MED16: variants seen among roughly 807,000 people sequenced by gnomAD.
MED16 encodes mediator complex subunit 16.
MED16 carries 81 observed loss-of-function variants against 84.4 expected under a neutral mutation model. The observed-to-expected ratio is 0.96, with a 90% CI of 0.80 to 1.15. The LOEUF is 1.15. Among genes scored for constraint, MED16 ranks in the 50% most tolerant of loss-of-function variants. MED16 has a pLI of 0.00. For synonymous variants in MED16, 897 were observed against 552.2 expected (o/e 1.62, Z -8.76); for missense variants, 1,585 against 1,245.9 (o/e 1.27, Z -4.10).
intron 14 of MED16, 23 bp from the exon 15 acceptor site, chr19:868,522 C>A: frequency 6.2e-7 from 1 of 1,605,970 alleles, no homozygotes. Flanking sequence ...AGGCACTGAG[C>A]GGGTTCCCAC....
Position 873,493 on chromosome 19 carries a change from C to T in MED16, c.1861G>A (p.Val621Met). The T allele has an allele frequency of 6.2e-7, 1 of 1,611,754 alleles. No individual in the cohort carries two copies. Among genetic ancestry groups the T allele is most frequent in the Non-Finnish European group, 8.5e-7 (1 of 1,179,704 alleles). The change falls in exon 11 of 16, where the codon GTG (valine) becomes ATG (methionine). Residue 621 changes from valine to methionine, a missense_variant. Coordinates refer to ENST00000325464, the MANE Select transcript of MED16 (RefSeq NM_005481.3). ...LQALQQLLQW[V>M]GDFVLYLLAS... ...AGCAGGTACAGCACGAAGTCGCCCA[C>T]CCACTGCAAGAGCTGCTGCAGCGCC...
rs531292263 is a variant in MED16 at position 890,414 on chromosome 19, C to G, written c.170-170G>C. On this transcript the variant is annotated intron_variant, in intron 2 of 15. Transcript: ENST00000325464. ...GGAACAGGCTGTCCCCCCGCAGGAA[C>G]AGAGCAGGCCTGTGAGGCGCCACAA... The G allele has an allele frequency of 6.1e-4, 325 of 532,850 alleles. 1 individual carries two copies. Among genetic ancestry groups the G allele is most frequent in the Non-Finnish European group, 9.0e-4 (272 of 302,126 alleles). The allele number at this position is 532,850 out of a possible 1,614,324, so 33.0% of individuals were successfully genotyped here. A position where few individuals can be genotyped will look rare whatever the true frequency, so the allele number is the denominator to read the frequency against.
At chr19:868,275 C>T (rs575843847) in intron 15 of MED16, 24 bp from the exon 16 acceptor site, 20 of 1,589,152 alleles carry the variant, frequency 1.3e-5, no homozygotes, top group African/African-American at 5.4e-5. Context: ...TGAGGTTAAC[C>T]GCGCCGAGGA....
chr19:871,251 G>A lies in MED16; in HGVS notation c.2101C>T (p.Arg701Cys), dbSNP rs376733954. 371 of 1,534,066 alleles carry A rather than the reference G, an allele frequency of 2.4e-4. 2 individuals carry two copies. In the Middle Eastern group the frequency reaches 6.1e-3, roughly 25 times the overall value. Reference protein sequence around the residue: ...RLLTKLWICCRDEGPASEPDE... With the variant: ...RLLTKLWICCCDEGPASEPDE... ...GGCTCGCTCGCTGGGCCCTCATCGCGACCTGCGGAGAGAGGTGGCGGAAGT... is the reference window on the plus strand; with the variant it reads ...GGCTCGCTCGCTGGGCCCTCATCGCAACCTGCGGAGAGAGGTGGCGGAAGT... Residue 701 changes from arginine (R) to cysteine (C), a missense_variant and splice_region_variant, in exon 13 of 16, where the codon CGC (arginine) becomes TGC (cysteine). By Grantham distance (180) the Arg-to-Cys change is radical. Coordinates refer to ENST00000325464, the MANE Select transcript of MED16 (RefSeq NM_005481.3).
At chr19:871,777 G>GGAGAGGGGA in intron 12 of MED16, 149 bp downstream of exon 12, 11 of 474,538 alleles carry the variant, frequency 2.3e-5, no homozygotes, top group Non-Finnish European at 3.8e-5. Flanking sequence ...CGGGGAGAGG[G>GGAGAGGGGA]GAGAGGGGAG....
intron 4 of MED16, among the ~76,000 whole-genome samples, chr19:886,623 G>A (rs2036532650): frequency 6.6e-6 from 1 of 152,244 alleles, no homozygotes; most frequent in South Asian, 2.1e-4. Flanking sequence ...GGGCCGTCAG[G>A]CCCTGGGCCG....
intron 6 of MED16, among the ~76,000 whole-genome samples, chr19:882,645 G>C (rs968342874): frequency 3.3e-5 from 5 of 152,258 alleles, no homozygotes; most frequent in African/African-American, 1.2e-4. Context: ...CAGTGGACAG[G>C]CCACGCCACC....
At chr19:885,739 C>T (rs1416868429) in intron 5 of MED16, 31 bp downstream of exon 5, 5 of 1,592,426 alleles carry the variant, frequency 3.1e-6, no homozygotes, top group Non-Finnish European at 4.3e-6. Flanking sequence ...TCCAAGCCTG[C>T]CAGCCCACGT....
At chr19:873,983 C>T (rs1429385667) in intron 10 of MED16, among the ~76,000 whole-genome samples, 2 of 152,214 alleles carry the variant, frequency 1.3e-5, no homozygotes, top group Non-Finnish European at 2.9e-5. Flanking sequence ...GCGGCGGTTA[C>T]ACACCCAACA....
At chr19:885,709 C>T in intron 5 of MED16, 61 bp downstream of exon 5, 2 of 1,566,868 alleles carry the variant, frequency 1.3e-6, no homozygotes, top group Non-Finnish European at 1.7e-6. Flanking sequence ...CCCCCAGGAC[C>T]CTGAGAAGCA....
At chr19:872,366 G>C (rs1232244519) in intron 11 of MED16, among the ~76,000 whole-genome samples, 1 of 152,048 alleles carries the variant, frequency 6.6e-6, no homozygotes, top group African/African-American at 2.4e-5. Flanking sequence ...ACAAGACTAA[G>C]ACGAGGCTCT....
chr19:885,793 G>C lies in MED16; in HGVS notation c.856C>G (p.Leu286Val). 1 of 1,611,364 alleles carries C rather than the reference G, an allele frequency of 6.2e-7. No individual in the cohort carries two copies. The highest frequency in any genetic ancestry group is 8.5e-7 in the Non-Finnish European group (1 of 1,179,816). ...KFPAITHLKF[L>V]ARDMSEQVLL... Reference sequence around the variant, plus strand: ...ACCTGCTCCGACATGTCCCGGGCCAGGAACTTGAGGTGGGTGATGGCGGGA... The same window carrying C: ...ACCTGCTCCGACATGTCCCGGGCCACGAACTTGAGGTGGGTGATGGCGGGA... The change falls in exon 5 of 16, where the codon CTG (leucine) becomes GTG (valine). Residue 286 changes from leucine to valine, a missense_variant. Transcript: ENST00000325464.
intron 6 of MED16, among the ~76,000 whole-genome samples, chr19:884,197 G>A (rs116042989): frequency 0.011 from 1,639 of 152,292 alleles, 37 homozygotes; most frequent in African/African-American, 0.038. Context: ...CCCTTCTCCA[G>A]AGCGGAGGCC....
intron 8 of MED16, among the ~76,000 whole-genome samples, chr19:878,789 A>ACCAGCC (rs2036334786): frequency 8.4e-6 from 1 of 118,556 alleles, no homozygotes. Flanking sequence ...GTCAATGCCC[A>ACCAGCC]CCAGCCCCAG....
At chr19:890,724 C>T (rs112649089) in intron 2 of MED16, among the ~76,000 whole-genome samples, 8 of 152,320 alleles carry the variant, frequency 5.3e-5, no homozygotes, top group East Asian at 1.9e-4. Flanking sequence ...CGCTCCAGCC[C>T]GATTCGATCC....
chr19:892,167 G>A (rs907048592), intron 1 of MED16, among the ~76,000 whole-genome samples: 5 of 152,070 alleles, frequency 3.3e-5, no homozygotes, highest in African/African-American at 4.8e-5. Flanking sequence ...CAAAAGCCCA[G>A]GGAGCCTGGA....
In MED16 at chr19:885,965, C is replaced by T; in HGVS notation, c.684G>A (p.Val228=). ...IAFTGGGNIV[V]ATADGSSASP... is the part of the protein sequence containing the mutation. ...ACGCGCTGCTGCCGTCCGCCGTGGC[C>T]ACCACGATGTTGCCGCCGCCGGTGA... The change falls in exon 5 of 16, where the codon GTG becomes GTA. Residue 228 remains valine, a synonymous_variant. Transcript: ENST00000325464. 1.9e-6 allele frequency: 3 copies of T among 1,612,304 alleles called. No homozygotes were observed. Among genetic ancestry groups the T allele is most frequent in the Non-Finnish European group, 2.5e-6 (3 of 1,179,718 alleles).
chr19:883,955 G>C (rs1355003401), intron 6 of MED16, among the ~76,000 whole-genome samples: 1 of 152,148 alleles, frequency 6.6e-6, no homozygotes, highest in African/African-American at 2.4e-5. Context: ...AGCCCTGGGG[G>C]AAGGAATGGC....
At position 868,961 on chromosome 19, in the gene MED16, G is replaced by A. The variant is rs563865135; in HGVS notation, c.2316-15C>T. The A allele has an allele frequency of 1.9e-5, 29 of 1,531,006 alleles. No homozygotes were observed. Among genetic ancestry groups the A allele is most frequent in the Admixed American group, 4.2e-5 (2 of 47,858 alleles). 94.8% of individuals were successfully genotyped at this position (1,531,006 alleles called of 1,614,324 possible). A position where few individuals can be genotyped will look rare whatever the true frequency, so the allele number is the denominator to read the frequency against. On this transcript the variant is annotated splice_polypyrimidine_tract_variant and intron_variant, in intron 13 of 15. Coordinates refer to ENST00000325464, the MANE Select transcript of MED16 (RefSeq NM_005481.3). ...GGCCTGGGGCCCTGGCGGGAGAGGG[G>A]AGAACGTGAGGGAGGCCTGGGCACC...
Sources: gnomAD v4.1 joint callset for allele counts (sites outside exome capture counted in the v4.1 genomes callset) on GRCh38, gnomAD v4.1.1 for gene constraint, MANE v1.5 for transcripts, NCBI Gene and HGNC (gene_info 2026-07-23, HGNC 2026-07-21) for gene names.